The following NAV2 variants were observed in gnomAD, a reference collection of about 807,000 sequenced individuals.
NAV2 encodes the protein neuron navigator 2.
In NAV2, 54 loss-of-function variants were observed where a neutral mutation model predicts 223.2. That is an observed-to-expected ratio of 0.24 (90% confidence interval 0.19 to 0.30). The LOEUF (loss-of-function observed/expected upper bound fraction) is 0.30. NAV2 is among the 10% of genes least tolerant of loss of function. The pLI is 1.00. For missense variants in NAV2, 2,806 were observed against 3,147.5 expected, an observed-to-expected ratio of 0.89 and a Z score of 2.60; for synonymous variants, 1,279 against 1,239.3, an observed-to-expected ratio of 1.03 and a Z score of -0.67.
chr11:19,861,340 G>T (rs2061773835), intron 3 of NAV2, among the ~76,000 whole-genome samples: 1 of 149,132 alleles, frequency 6.7e-6, no homozygotes, highest in African/African-American at 2.4e-5. Context: ...GCCTGGAGGA[G>T]GAAACGGAAA....
intron 1 of NAV2, among the ~76,000 whole-genome samples, chr11:19,680,283 C>G (rs1008667181): frequency 3.3e-5 from 5 of 152,194 alleles, no homozygotes; most frequent in Non-Finnish European, 7.3e-5. Context: ...TGGCTTCTGT[C>G]CTGAGCAGCG....
chr11:19,931,549 A>G (rs1336207457), intron 6 of NAV2, among the ~76,000 whole-genome samples: 1 of 145,398 alleles, frequency 6.9e-6, no homozygotes, highest in African/African-American at 2.5e-5. Flanking sequence ...AAGCCGCTCT[A>G]TATACAGTTT....
chr11:19,832,263 T>C (rs1045342211), intron 1 of NAV2, among the ~76,000 whole-genome samples: 2 of 152,186 alleles, frequency 1.3e-5, no homozygotes, highest in Non-Finnish European at 2.9e-5. Flanking sequence ...CTTTCTTTAG[T>C]TTTTCCCTGA....
rs549235345 is a variant in NAV2 at position 19,395,201 on chromosome 11, G to A, written c.75+44174G>A. Among the ~76,000 whole-genome samples, 3 of 152,352 alleles carry A rather than the reference G, an allele frequency of 2.0e-5. No individual in the cohort carries two copies. The East Asian group carries it at 5.8e-4, about 29-fold the overall frequency. On this transcript the variant is annotated intron_variant, in intron 1 of 37. Coordinates refer to the NAV2 transcript ENST00000360655. ...TGTGAGGCCATGGCTACACCTGAGTGGGCGCATGCTGTGCGTGTTAGTGCA... is the reference window on the plus strand; with the variant it reads ...TGTGAGGCCATGGCTACACCTGAGTAGGCGCATGCTGTGCGTGTTAGTGCA...
intron 1 of NAV2, among the ~76,000 whole-genome samples, chr11:19,507,844 T>C (rs1365928800): frequency 6.6e-6 from 1 of 152,166 alleles, no homozygotes; most frequent in Non-Finnish European, 1.5e-5. Flanking sequence ...ATCCTCAAGT[T>C]ATAGATCAGG....
chr11:19,460,626 A>G (rs1018241103), intron 1 of NAV2, among the ~76,000 whole-genome samples: 4 of 127,858 alleles, frequency 3.1e-5, no homozygotes, highest in Admixed American at 9.1e-5. Context: ...AGGGTGGGGA[A>G]CATCACACAC....
intron 1 of NAV2, among the ~76,000 whole-genome samples, chr11:19,539,225 G>A (rs569200752): frequency 9.8e-4 from 149 of 152,308 alleles, no homozygotes; most frequent in African/African-American, 3.4e-3. Flanking sequence ...GATTTTCCAA[G>A]GGGTGTGCAG....
intron 1 of NAV2, among the ~76,000 whole-genome samples, chr11:19,363,045 A>G (rs1380872112): frequency 6.6e-6 from 1 of 152,184 alleles, no homozygotes; most frequent in Non-Finnish European, 1.5e-5. Context: ...GTTTTGTTAC[A>G]TAGGTATACA....
chr11:19,737,035 C>T (rs1484196997), intron 1 of NAV2, among the ~76,000 whole-genome samples: 2 of 152,266 alleles, frequency 1.3e-5, no homozygotes, highest in African/African-American at 2.4e-5. Flanking sequence ...TCCTCTTGCT[C>T]TCCTAGAATT....
intron 1 of NAV2, among the ~76,000 whole-genome samples, chr11:19,618,227 T>C (rs912505206): frequency 1.3e-5 from 2 of 152,070 alleles, no homozygotes; most frequent in Non-Finnish European, 2.9e-5. Flanking sequence ...GATGGATAGA[T>C]GGATGGATGG....
chr11:19,414,621 C>G (rs1850287732), intron 1 of NAV2, among the ~76,000 whole-genome samples: 1 of 152,188 alleles, frequency 6.6e-6, no homozygotes, highest in Non-Finnish European at 1.5e-5. Flanking sequence ...GAACTCTCCA[C>G]CCCAAATCAA....
chr11:20,091,562 C>G (rs1039403742), intron 27 of NAV2, among the ~76,000 whole-genome samples: 5 of 152,186 alleles, frequency 3.3e-5, no homozygotes, highest in African/African-American at 1.2e-4. Context: ...CTTACAGCCC[C>G]TCCCACCTTC....
At chr11:19,533,288 C>G (rs897715312) in intron 1 of NAV2, among the ~76,000 whole-genome samples, 13 of 152,198 alleles carry the variant, frequency 8.5e-5, no homozygotes. Context: ...TATTTAGCAG[C>G]ATCCTCGGCC....
At chr11:19,354,357 T>C (rs932660128) in intron 1 of NAV2, among the ~76,000 whole-genome samples, 1 of 152,218 alleles carries the variant, frequency 6.6e-6, no homozygotes, top group Admixed American at 6.5e-5. Context: ...ATGTTACTAG[T>C]GTGGCCAAAT....
exon 1 of NAV2, chr11:19,350,822 G>C: frequency 4.9e-6 from 4 of 818,026 alleles, no homozygotes; most frequent in Non-Finnish European, 6.1e-6. Context: ...CTTTGAAGAG[G>C]TGGTGCTGAT....
chr11:19,594,374 C>A (rs1015945585), intron 1 of NAV2, among the ~76,000 whole-genome samples: 2 of 151,394 alleles, frequency 1.3e-5, no homozygotes, highest in Non-Finnish European at 2.9e-5. Flanking sequence ...CGCATCCTAC[C>A]TTTCTCCTGT....
chr11:19,664,804 A>G (rs77108692), intron 1 of NAV2, among the ~76,000 whole-genome samples: 5,383 of 152,276 alleles, frequency 0.035, 292 homozygotes, highest in African/African-American at 0.11. Flanking sequence ...AGGAGAGGAA[A>G]TGGAAGAACA....
At chr11:19,860,282 C>T (rs1436660443) in intron 3 of NAV2, among the ~76,000 whole-genome samples, 23 of 135,474 alleles carry the variant, frequency 1.7e-4, no homozygotes, top group African/African-American at 6.8e-4. Context: ...GACGGGGCGG[C>T]TGCCGGGCGG....
chr11:19,688,028 G>A (rs2049072096), intron 1 of NAV2, among the ~76,000 whole-genome samples: 1 of 152,174 alleles, frequency 6.6e-6, no homozygotes, highest in Non-Finnish European at 1.5e-5. Flanking sequence ...GCCTGCTAGG[G>A]GATCTGTCTT....
Sources: gnomAD v4.1 joint callset for allele counts (sites outside exome capture counted in the v4.1 genomes callset) on GRCh38, gnomAD v4.1.1 for gene constraint, MANE v1.5 for transcripts, NCBI Gene and HGNC (gene_info 2026-07-23, HGNC 2026-07-21) for gene names.